DMD: variants seen among roughly 807,000 people sequenced by gnomAD.
DMD encodes the protein dystrophin, also known as mutant dystrophin.
DMD carries 63 observed loss-of-function variants against 330.1 expected under a neutral mutation model. The ratio of observed to expected loss-of-function variants is 0.19; its 90% CI spans 0.16 to 0.24. The LOEUF (loss-of-function observed/expected upper bound fraction) is 0.24, where lower values mean the gene tolerates loss of function less well. Among genes scored for constraint, DMD ranks in the 10% least tolerant of loss-of-function variants. The pLI is 1.00. For synonymous variants in DMD, 1,223 were observed against 959.8 expected (o/e 1.27, Z -5.07); for missense variants, 3,344 against 2,684.1 (o/e 1.25, Z -5.43).
intron 41 of DMD, among the ~76,000 whole-genome samples, chrX:32,332,676 G>A (rs1371082157): frequency 9.1e-6 from 1 of 110,456 alleles, no homozygotes; most frequent in African/African-American, 3.3e-5. Flanking sequence ...AAGTGGGCCA[G>A]CCAGGTCAGA....
At chrX:31,348,320 T>C (rs894680581) in intron 61 of DMD, 5 of 415,893 alleles carry the variant, frequency 1.2e-5, no homozygotes, top group African/African-American at 5.0e-5. Context: ...TTTGAGAATA[T>C]AGTGCAGGAA....
intron 51 of DMD, among the ~76,000 whole-genome samples, chrX:31,733,351 T>G: frequency 9.0e-6 from 1 of 111,556 alleles, no homozygotes; most frequent in East Asian, 2.8e-4. Flanking sequence ...AATACTCAAA[T>G]AAAAACTCTA....
intron 9 of DMD, among the ~76,000 whole-genome samples, chrX:32,668,855 G>A (rs1162310951): frequency 9.1e-6 from 1 of 110,301 alleles, no homozygotes; most frequent in Admixed American, 9.7e-5. Context: ...ACTAAAAATG[G>A]GAGTATGTTA....
intron 19 of DMD, among the ~76,000 whole-genome samples, chrX:32,495,704 T>G (rs182200375): frequency 7.9e-4 from 89 of 112,074 alleles, no homozygotes; most frequent in African/African-American, 2.6e-3. Flanking sequence ...CATATGGATT[T>G]TATTATTATA....
intron 22 of DMD, 86 bp downstream of exon 22, chrX:32,472,078 T>A: frequency 9.0e-7 from 1 of 1,107,943 alleles, no homozygotes; most frequent in Non-Finnish European, 1.2e-6. Context: ...CAGAATGACT[T>A]AAATTCTAAT....
chrX:31,571,254 G>GGTGTGTGTGTGTGTGTGTGTGTGT (rs371098859), intron 55 of DMD, among the ~76,000 whole-genome samples: 1 of 90,445 alleles, frequency 1.1e-5, no homozygotes, highest in Admixed American at 1.3e-4. Context: ...GATTTAAAGG[G>GGTGTGTGTGTGTGTGTGTGTGTGT]GTGTGTGTGT....
chrX:31,681,685 C>T lies in DMD; in HGVS notation c.7661-2099G>A, dbSNP rs144433974. On this transcript the variant is annotated intron_variant, in intron 52 of 78. Transcript: ENST00000357033. ...CAAAGAATGGCTACAGATGGACAAA[C>T]AAAATGTATATGGCACAGGAATATA... is the stretch of plus-strand genomic sequence containing the variant. Among the ~76,000 whole-genome samples the T allele has an allele frequency of 7.0e-3, 785 of 112,796 alleles. 5 individuals carry two copies. Among genetic ancestry groups the T allele is most frequent in the African/African-American group, 0.024 (733 of 31,042 alleles).
intron 1 of DMD, among the ~76,000 whole-genome samples, chrX:33,331,650 C>T (rs2054179063): frequency 9.0e-6 from 1 of 111,447 alleles, no homozygotes; most frequent in Non-Finnish European, 1.9e-5. Flanking sequence ...AAGCACCATC[C>T]ATTTACCTTC....
rs2148959198 is a variant in DMD, at chrX:32,545,191, C to T, written c.2136G>A (p.Arg712=). 1.7e-6 allele frequency: 2 copies of T among 1,210,932 alleles called. No homozygotes were observed. Among genetic ancestry groups the T allele is most frequent in the Non-Finnish European group, 2.2e-6 (2 of 894,921 alleles). Residue 712 remains arginine, a synonymous_variant, in exon 17 of 79, where the codon AGG becomes AGA. Coordinates refer to ENST00000357033, the MANE Select transcript of DMD (RefSeq NM_004006.3). ...TAATTTCAGAATCCACAGTAATCTGCCTCTTCTTTTGGGGAGGTGGTGGTG... is the reference window on the plus strand; with the variant it reads ...TAATTTCAGAATCCACAGTAATCTGTCTCTTCTTTTGGGGAGGTGGTGGTG... ...ELPPPPPQKK[R]QITVDSEIRK... is the part of the protein sequence containing the mutation.
chrX:31,456,711 C>T (rs1240777484), intron 59 of DMD, among the ~76,000 whole-genome samples: 1 of 110,238 alleles, frequency 9.1e-6, no homozygotes, highest in Non-Finnish European at 1.9e-5. Context: ...AATGAGGTGG[C>T]CTTTACAATG....
intron 17 of DMD, among the ~76,000 whole-genome samples, chrX:32,518,463 T>C (rs940972107): frequency 2.8e-5 from 3 of 107,084 alleles, no homozygotes; most frequent in African/African-American, 1.1e-4. Flanking sequence ...CCTTTTCTTT[T>C]TGGAAAGTAT....
intron 1 of DMD, among the ~76,000 whole-genome samples, chrX:33,026,518 T>G (rs1159252371): frequency 9.2e-6 from 1 of 109,243 alleles, no homozygotes; most frequent in Non-Finnish European, 1.9e-5. Context: ...GGAAACAAAT[T>G]TAGGACATAT....
chrX:31,437,809 G>GATATAT (rs34012169), intron 60 of DMD, among the ~76,000 whole-genome samples: 9 of 100,316 alleles, frequency 9.0e-5, no homozygotes, highest in African/African-American at 2.9e-4. Context: ...TTTGCATCCT[G>GATATAT]ATATATATAT....
At chrX:31,901,323 C>A (rs2094419080) in intron 47 of DMD, among the ~76,000 whole-genome samples, 1 of 111,629 alleles carries the variant, frequency 9.0e-6, no homozygotes, top group South Asian at 3.7e-4. Context: ...CAGGAGGAAT[C>A]CTACCATAAT....
At chrX:32,681,464 T>C (rs1569449528) in intron 9 of DMD, among the ~76,000 whole-genome samples, 1 of 111,724 alleles carries the variant, frequency 9.0e-6, no homozygotes, top group Non-Finnish European at 1.9e-5. Context: ...TCTATTACGA[T>C]GAGGTTGATG....
intron 42 of DMD, among the ~76,000 whole-genome samples, chrX:32,299,663 G>C (rs922668689): frequency 3.6e-5 from 4 of 110,755 alleles, no homozygotes; most frequent in African/African-American, 1.3e-4. Flanking sequence ...ATTTAAAAAT[G>C]ATCTCACCTG....
At chrX:32,061,192 A>G (rs2096222182) in intron 44 of DMD, among the ~76,000 whole-genome samples, 1 of 111,231 alleles carries the variant, frequency 9.0e-6, no homozygotes, top group African/African-American at 3.3e-5. Context: ...TGGATACCTC[A>G]AAATGATTGT....
intron 62 of DMD, among the ~76,000 whole-genome samples, chrX:31,284,608 T>TTCTTCTTCTTCTTCTTCTTC (rs1331247957): frequency 3.2e-4 from 9 of 28,064 alleles, no homozygotes; most frequent in South Asian, 2.2e-3. Context: ...TCTTCTTCTT[T>TTCTTCTTCTTCTTCTTCTTC]TTTTTGGCAG....
upstream of DMD, among the ~76,000 whole-genome samples, chrX:33,212,365 T>A (rs1298368098): frequency 2.7e-5 from 3 of 112,301 alleles, no homozygotes; most frequent in African/African-American, 6.5e-5. Flanking sequence ...TTGTATTATG[T>A]CATTCAGCAT....
Sources: allele counts gnomAD v4.1 joint callset (sites outside exome capture counted in the v4.1 genomes callset), GRCh38; gene constraint gnomAD v4.1.1; transcripts MANE v1.5; gene names NCBI Gene and HGNC (gene_info 2026-07-23, HGNC 2026-07-21).